Variants in TRIM54 observed in about 807,000 individuals in gnomAD.
TRIM54 encodes the protein tripartite motif-containing protein 54.
A neutral mutation model predicts 42.0 loss-of-function variants in TRIM54; 40 were observed. That is an observed-to-expected ratio of 0.95 (90% confidence interval 0.74 to 1.24). TRIM54 has a LOEUF of 1.24. TRIM54 is among the 50% of genes most tolerant of loss of function. The probability of loss-of-function intolerance (pLI) is 0.00; values close to 1 mark genes in which losing one functional copy is unlikely to be tolerated. For missense variants in TRIM54, 485 were observed against 480.3 expected (o/e 1.01, Z -0.09); for synonymous variants, 199 against 194.9 (o/e 1.02, Z -0.17).
At chr2:27,289,329 A>T (rs1408726856) in intron 1 of TRIM54, among the ~76,000 whole-genome samples, 1 of 152,140 alleles carries the variant, frequency 6.6e-6, no homozygotes, top group African/African-American at 2.4e-5. Context: ...AGGGGAAAAA[A>T]TTAATTCTTG....
intron 4 of TRIM54, 90 bp downstream of exon 4, chr2:27,305,144 G>A (rs952033327): frequency 1.2e-5 from 14 of 1,165,892 alleles, no homozygotes; most frequent in African/African-American, 1.5e-5. Context: ...CTGACCTCTC[G>A]CCAAACTGGT....
chr2:27,294,003 C>G (rs1678795480), intron 1 of TRIM54, among the ~76,000 whole-genome samples: 1 of 152,144 alleles, frequency 6.6e-6, no homozygotes, highest in Admixed American at 6.5e-5. Context: ...AGCCCGACGA[C>G]AGAGTGAGAC....
chr2:27,291,585 C>T (rs747218121), intron 1 of TRIM54, among the ~76,000 whole-genome samples: 2 of 152,184 alleles, frequency 1.3e-5, no homozygotes, highest in South Asian at 2.1e-4. Context: ...ACAATGAGGG[C>T]GTCTAAGCAA....
intron 1 of TRIM54, among the ~76,000 whole-genome samples, chr2:27,286,103 G>A (rs1345341251): frequency 6.6e-6 from 1 of 151,664 alleles, no homozygotes; most frequent in Non-Finnish European, 1.5e-5. Context: ...GTATTAAGGG[G>A]TTGGGAGGAA....
intron 1 of TRIM54, among the ~76,000 whole-genome samples, chr2:27,283,770 A>ACG (rs1487361341): frequency 7.7e-4 from 77 of 100,494 alleles, no homozygotes; most frequent in African/African-American, 1.8e-3. Context: ...AAAGGCACAC[A>ACG]CACACACACG....
chr2:27,306,283 AC>A lies in TRIM54; in HGVS notation c.939del (p.Val314Ter), dbSNP rs932911163. On this transcript the variant is annotated frameshift_variant, in exon 7 of 9. Transcript: ENST00000380075. LOFTEE classifies it high-confidence loss of function. This position sits in a 1 kb window ranked among gnomAD's most constrained non-coding sequence, Gnocchi z 6.1. ...EPGYESMEQF[T>X]VRVEHVAEML... ...AGGCTATGAGAGCATGGAGCAATTC[AC>A]CGTAAGGGTGGAGCACGTGGCCGAA... 13 of 1,614,068 alleles carry A rather than the reference AC, an allele frequency of 8.1e-6. No individual in the cohort carries two copies. Among genetic ancestry groups the A allele is most frequent in the Middle Eastern group, 1.6e-4 (1 of 6,062 alleles).
chr2:27,285,036 C>T (rs1188322184), intron 1 of TRIM54, among the ~76,000 whole-genome samples: 1 of 152,178 alleles, frequency 6.6e-6, no homozygotes, highest in African/African-American at 2.4e-5. Flanking sequence ...TTGGAGATAA[C>T]ATGATACCCA....
intron 2 of TRIM54, 148 bp from the exon 3 acceptor site, chr2:27,299,097 C>G: frequency 1.2e-6 from 1 of 865,598 alleles, no homozygotes; most frequent in East Asian, 2.6e-5. Context: ...TCCCCAAATT[C>G]AGAGCTCTGT....
chr2:27,285,399 T>C (rs1329205945), intron 1 of TRIM54, among the ~76,000 whole-genome samples: 1 of 152,192 alleles, frequency 6.6e-6, no homozygotes, highest in East Asian at 1.9e-4. Flanking sequence ...AAGAATACCC[T>C]TAGAGCATTG....
intron 1 of TRIM54, among the ~76,000 whole-genome samples, chr2:27,293,671 G>C (rs1678783697): frequency 6.6e-6 from 1 of 152,052 alleles, no homozygotes; most frequent in African/African-American, 2.4e-5. Context: ...TCTTTCCTCT[G>C]TGAAGGTTTG....
intron 3 of TRIM54, among the ~76,000 whole-genome samples, chr2:27,301,178 C>T (rs569449001): frequency 1.4e-5 from 2 of 140,742 alleles, no homozygotes; most frequent in Admixed American, 7.5e-5. Context: ...TCGCTCTTGT[C>T]GCCCAGGCTG....
In TRIM54 at chr2:27,306,309, A is replaced by C. The variant is rs1679207166; in HGVS notation, c.963A>C (p.Glu321Asp). The change falls in exon 7 of 9, where the codon GAA becomes GAC. Residue 321 changes from glutamate (E) to aspartate (D), a missense_variant. Physicochemically the swap from Glu to Asp is conservative, Grantham distance 45 (BLOSUM62 2). Coordinates refer to ENST00000380075, the MANE Select transcript of TRIM54 (RefSeq NM_187841.3). This position sits in a 1 kb window ranked among gnomAD's most constrained non-coding sequence, Gnocchi z 6.1. ...CCGTAAGGGTGGAGCACGTGGCCGAAATGCTGCGGACCATCGACTTCCAGC... is the reference window on the plus strand; with the variant it reads ...CCGTAAGGGTGGAGCACGTGGCCGACATGCTGCGGACCATCGACTTCCAGC... ...QFTVRVEHVA[E>D]MLRTIDFQPG... is the part of the protein sequence containing the mutation. The C allele has an allele frequency of 6.2e-7, 1 of 1,613,986 alleles. No homozygotes were observed. Among genetic ancestry groups the C allele is most frequent in the Admixed American group, 1.7e-5 (1 of 60,006 alleles).
intron 1 of TRIM54, among the ~76,000 whole-genome samples, chr2:27,291,316 C>A (rs1678712879): frequency 6.6e-6 from 1 of 152,238 alleles, no homozygotes; most frequent in Non-Finnish European, 1.5e-5. Flanking sequence ...GATCGTGCCA[C>A]TGCATTCTAG....
At chr2:27,290,814 T>A (rs952702647) in intron 1 of TRIM54, among the ~76,000 whole-genome samples, 1 of 152,160 alleles carries the variant, frequency 6.6e-6, no homozygotes, top group Non-Finnish European at 1.5e-5. Flanking sequence ...TGTGCTCCAT[T>A]AAATGCTTCT....
intron 1 of TRIM54, among the ~76,000 whole-genome samples, chr2:27,293,819 C>A (rs2148194250): frequency 6.6e-6 from 1 of 152,166 alleles, no homozygotes. Context: ...GTCAGGAGTT[C>A]AAGACCAGCC....
chr2:27,292,310 C>G (rs573855273), intron 1 of TRIM54, among the ~76,000 whole-genome samples: 1 of 152,258 alleles, frequency 6.6e-6, no homozygotes, highest in African/African-American at 2.4e-5. Flanking sequence ...GGGTCTCACC[C>G]CTGAAATTCC....
intron 3 of TRIM54, among the ~76,000 whole-genome samples, chr2:27,300,600 T>G (rs1016361229): frequency 2.7e-5 from 4 of 150,274 alleles, no homozygotes; most frequent in Non-Finnish European, 6.0e-5. Flanking sequence ...ATAATATTTA[T>G]TAGTAGTAGT....
In TRIM54 at chr2:27,307,002, T is replaced by G. The variant is rs187050445; in HGVS notation, c.*117T>G. The stretch of plus-strand genomic sequence containing the variant: ...CCCCGGGAGGATCTCAATAAAGAAC[T>G]CGAGCGTCCCAGACCCGTATCTCCT... On this transcript the variant is annotated 3_prime_UTR_variant, in exon 9 of 9. Coordinates refer to ENST00000380075, the MANE Select transcript of TRIM54 (RefSeq NM_187841.3). This position sits in a 1 kb window ranked among gnomAD's most constrained non-coding sequence, Gnocchi z 6.9. 8.7e-6 allele frequency: 2 copies of G among 231,214 alleles called. No homozygotes were observed. Among genetic ancestry groups the G allele is most frequent in the East Asian group, 2.4e-4 (2 of 8,352 alleles). The allele number at this position is 231,214 out of a possible 1,614,324, so 14.3% of individuals were successfully genotyped here. A position where few individuals can be genotyped will look rare whatever the true frequency, so the allele number is the denominator to read the frequency against.
At chr2:27,301,955 A>G (rs1417895245) in intron 3 of TRIM54, among the ~76,000 whole-genome samples, 1 of 152,056 alleles carries the variant, frequency 6.6e-6, no homozygotes, top group African/African-American at 2.4e-5. Context: ...GGAGTTCGAG[A>G]CCAGCCTGAC....
Sources: gnomAD v4.1 joint callset for allele counts (sites outside exome capture counted in the v4.1 genomes callset) on GRCh38, gnomAD v4.1.1 for gene constraint, Gnocchi (gnomAD v3.1) non-coding constraint, MANE v1.5 for transcripts, NCBI Gene and HGNC (gene_info 2026-07-23, HGNC 2026-07-21) for gene names.